Variants in CNTN5 observed in about 807,000 individuals in gnomAD.
CNTN5 encodes the protein contactin-5.
A neutral mutation model predicts 129.1 loss-of-function variants in CNTN5; 77 were observed. The observed-to-expected ratio is 0.60, with a 90% CI of 0.50 to 0.72. CNTN5 has a LOEUF of 0.72. Ranked by LOEUF, CNTN5 falls within the 30% of genes least tolerant of loss-of-function variation. The pLI is 0.00. For missense variants in CNTN5, 1,478 were observed against 1,328.8 expected (o/e 1.11, Z -1.75); for synonymous variants, 509 against 465.6 (o/e 1.09, Z -1.20).
At chr11:99,027,336 G>A (rs1235138001) in intron 1 of CNTN5, among the ~76,000 whole-genome samples, 2 of 151,496 alleles carry the variant, frequency 1.3e-5, no homozygotes, top group African/African-American at 4.8e-5. Context: ...GTAGATGAGA[G>A]TATATTTCTG....
chr11:99,107,769 A>G (rs979128637), intron 1 of CNTN5, among the ~76,000 whole-genome samples: 1 of 151,724 alleles, frequency 6.6e-6, no homozygotes, highest in Non-Finnish European at 1.5e-5. Context: ...GTCTCTACTA[A>G]AAATACAAAA....
intron 2 of CNTN5, among the ~76,000 whole-genome samples, chr11:99,550,114 T>C (rs1246212650): frequency 2.0e-5 from 3 of 152,144 alleles, no homozygotes; most frequent in African/African-American, 7.2e-5. Flanking sequence ...TAGAAAATCA[T>C]GTTAAAAAGA....
At chr11:99,897,760 A>G (rs780196722) in intron 6 of CNTN5, among the ~76,000 whole-genome samples, 4 of 152,306 alleles carry the variant, frequency 2.6e-5, no homozygotes, top group African/African-American at 4.8e-5. Flanking sequence ...ACAACTAGCT[A>G]ACAACACTAT....
At chr11:99,512,371 C>T (rs529912142) in intron 2 of CNTN5, among the ~76,000 whole-genome samples, 2 of 152,246 alleles carry the variant, frequency 1.3e-5, no homozygotes, top group East Asian at 3.9e-4. Context: ...ATCTATACCA[C>T]CCAGGTTCGT....
intron 3 of CNTN5, among the ~76,000 whole-genome samples, chr11:99,762,470 A>G (rs1257674521): frequency 6.6e-6 from 1 of 151,950 alleles, no homozygotes; most frequent in African/African-American, 2.4e-5. Flanking sequence ...ATCCAGTTTC[A>G]GCTTTCTCCA....
At position 99,457,648 on chromosome 11, in the gene CNTN5, G is replaced by C. The variant is rs150969351; in HGVS notation, c.-70-98497G>C. On this transcript the variant is annotated intron_variant, in intron 2 of 24. Transcript: ENST00000524871. Reference sequence around the variant, plus strand: ...ATGTTTCCTTGAGTATGTTTAAATTGAAATATGTTTTTAATTATCAGTTTA... The same window carrying C: ...ATGTTTCCTTGAGTATGTTTAAATTCAAATATGTTTTTAATTATCAGTTTA... 9.5e-3 allele frequency among the ~76,000 whole-genome samples: 1,448 copies of C among 151,748 alleles called. 9 individuals carry two copies. Among genetic ancestry groups the C allele is most frequent in the Admixed American group, 0.015 (228 of 15,232 alleles).
intron 1 of CNTN5, among the ~76,000 whole-genome samples, chr11:99,031,042 C>A (rs1591071007): frequency 6.6e-6 from 1 of 151,774 alleles, no homozygotes; most frequent in East Asian, 1.9e-4. Context: ...CGTGATCCGC[C>A]CGTCTCGGCC....
At chr11:99,930,540 T>G (rs1950167180) in intron 7 of CNTN5, among the ~76,000 whole-genome samples, 1 of 152,152 alleles carries the variant, frequency 6.6e-6, no homozygotes, top group African/African-American at 2.4e-5. Flanking sequence ...TGCCTGATAT[T>G]CTTTGGGGCC....
chr11:100,045,194 T>C (rs1942603863), intron 9 of CNTN5, among the ~76,000 whole-genome samples: 2 of 152,096 alleles, frequency 1.3e-5, no homozygotes, highest in Admixed American at 1.3e-4. Context: ...AAGACTTTAT[T>C]CCAGCCAAGT....
intron 2 of CNTN5, among the ~76,000 whole-genome samples, chr11:99,539,328 A>G (rs183659302): frequency 1.3e-5 from 2 of 152,178 alleles, no homozygotes; most frequent in East Asian, 1.9e-4. Flanking sequence ...AAATCTTTAA[A>G]CTATTAAACT....
intron 2 of CNTN5, among the ~76,000 whole-genome samples, chr11:99,432,425 T>TTTTCTTTTC (rs1943409751): frequency 1.4e-5 from 2 of 144,270 alleles, no homozygotes; most frequent in African/African-American, 5.0e-5. Context: ...CTTTCTTTTC[T>TTTTCTTTTC]TTTCCTTTTC....
At chr11:99,390,271 C>A (rs1283141637) in intron 2 of CNTN5, among the ~76,000 whole-genome samples, 1 of 152,086 alleles carries the variant, frequency 6.6e-6, no homozygotes, top group African/African-American at 2.4e-5. Context: ...GCATGTACCA[C>A]TAAGCCCAGC....
intron 6 of CNTN5, among the ~76,000 whole-genome samples, chr11:99,846,611 C>A (rs1280766026): frequency 6.6e-6 from 1 of 151,968 alleles, no homozygotes; most frequent in South Asian, 2.1e-4. Flanking sequence ...ATTGTAGTGG[C>A]TACATAAGAG....
intron 2 of CNTN5, among the ~76,000 whole-genome samples, chr11:99,353,192 T>G (rs1020304380): frequency 2.0e-5 from 3 of 152,158 alleles, no homozygotes; most frequent in South Asian, 2.1e-4. Context: ...TTCAAGTTAC[T>G]CAATAATATG....
At chr11:99,490,022 A>G (rs1478611104) in intron 2 of CNTN5, among the ~76,000 whole-genome samples, 1 of 152,244 alleles carries the variant, frequency 6.6e-6, no homozygotes, top group Non-Finnish European at 1.5e-5. Context: ...ATTCACCCCT[A>G]GAATTCAGAC....
At chr11:99,688,368 A>G (rs541660432) in intron 3 of CNTN5, among the ~76,000 whole-genome samples, 2 of 152,234 alleles carry the variant, frequency 1.3e-5, no homozygotes, top group South Asian at 4.1e-4. Flanking sequence ...AAGACAAACA[A>G]ACAAAAAAAC....
At chr11:100,145,391 T>C (rs1038366133) in intron 13 of CNTN5, among the ~76,000 whole-genome samples, 1 of 152,170 alleles carries the variant, frequency 6.6e-6, no homozygotes, top group Non-Finnish European at 1.5e-5. Context: ...TTGCTGCTCA[T>C]TGATCACTAA....
At chr11:99,536,380 G>A (rs17589148) in intron 2 of CNTN5, among the ~76,000 whole-genome samples, 11,617 of 151,924 alleles carry the variant, frequency 0.076, 612 homozygotes, top group Non-Finnish European at 0.12. Context: ...TAAAAATATG[G>A]GACCTTGTTC....
chr11:99,659,117 A>G (rs1204702396), intron 3 of CNTN5, among the ~76,000 whole-genome samples: 1 of 152,108 alleles, frequency 6.6e-6, no homozygotes, highest in Non-Finnish European at 1.5e-5. Flanking sequence ...TGGGAATGAA[A>G]GATACATGAT....
Sources: allele counts gnomAD v4.1 joint callset (sites outside exome capture counted in the v4.1 genomes callset), GRCh38; gene constraint gnomAD v4.1.1; transcripts MANE v1.5; gene names NCBI Gene and HGNC (gene_info 2026-07-23, HGNC 2026-07-21).